Variants in SCAI observed in about 807,000 individuals in gnomAD.
SCAI encodes the protein protein SCAI.
In SCAI, 24 loss-of-function variants were observed where a neutral mutation model predicts 92.2. The observed-to-expected ratio is 0.26, with a 90% CI of 0.19 to 0.37. SCAI has a LOEUF of 0.37. Ranked by LOEUF, SCAI falls within the 10% of genes least tolerant of loss-of-function variation. SCAI has a pLI of 1.00. For synonymous variants in SCAI, 261 were observed against 258.6 expected (o/e 1.01, Z -0.09); for missense variants, 450 against 736.2 (o/e 0.61, Z 4.50).
intron 2 of SCAI, among the ~76,000 whole-genome samples, chr9:125,064,552 A>G (rs999910425): frequency 6.6e-6 from 1 of 152,158 alleles, no homozygotes; most frequent in Admixed American, 6.6e-5. Context: ...AAATATTACT[A>G]AAAAAATTCT....
chr9:125,018,536 A>G (rs947716075), intron 9 of SCAI, among the ~76,000 whole-genome samples: 2 of 152,218 alleles, frequency 1.3e-5, no homozygotes, highest in African/African-American at 4.8e-5. Flanking sequence ...ACATTCTAAC[A>G]TATATGAAAT....
At chr9:125,080,940 C>A (rs1834202014) in intron 2 of SCAI, among the ~76,000 whole-genome samples, 1 of 152,200 alleles carries the variant, frequency 6.6e-6, no homozygotes, top group Non-Finnish European at 1.5e-5. Context: ...GTGAATAAGT[C>A]TCATGAGACC....
chr9:124,960,994 A>G (rs1831424283), intron 17 of SCAI, among the ~76,000 whole-genome samples: 1 of 151,982 alleles, frequency 6.6e-6, no homozygotes, highest in Non-Finnish European at 1.5e-5. Context: ...GGTGCACCGT[A>G]CTCAGGTGGT....
At chr9:125,064,061 A>G (rs533797411) in intron 2 of SCAI, among the ~76,000 whole-genome samples, 1 of 152,136 alleles carries the variant, frequency 6.6e-6, no homozygotes, top group African/African-American at 2.4e-5. Context: ...CCAATTCAAT[A>G]TATTTCTAAA....
chr9:125,073,092 A>ATTTTTTTT (rs764858681), intron 2 of SCAI, among the ~76,000 whole-genome samples: 2,118 of 72,508 alleles, frequency 0.029, 266 homozygotes, highest in East Asian at 0.043. Flanking sequence ...TCTATTTTTA[A>ATTTTTTTT]TTTTTTTTTT....
intron 3 of SCAI, among the ~76,000 whole-genome samples, chr9:125,052,647 A>G (rs986554469): frequency 6.6e-6 from 1 of 152,140 alleles, no homozygotes; most frequent in Non-Finnish European, 1.5e-5. Context: ...AAAGAAAGTA[A>G]AAGACAATCC....
chr9:124,960,650 C>T (rs1831418814), intron 17 of SCAI, among the ~76,000 whole-genome samples: 2 of 152,090 alleles, frequency 1.3e-5, no homozygotes, highest in South Asian at 4.1e-4. Flanking sequence ...AGAGTGACAG[C>T]CTCTGGGGTA....
At chr9:125,018,117 C>T (rs1832800092) in intron 9 of SCAI, among the ~76,000 whole-genome samples, 1 of 151,968 alleles carries the variant, frequency 6.6e-6, no homozygotes, top group Non-Finnish European at 1.5e-5. Flanking sequence ...ATTTTTGAGA[C>T]AGAGTCTCGC....
chr9:125,137,306 G>A (rs192675508), intron 2 of SCAI, among the ~76,000 whole-genome samples: 3 of 152,194 alleles, frequency 2.0e-5, no homozygotes, highest in Non-Finnish European at 2.9e-5. Flanking sequence ...TCATGATTCT[G>A]GACTGAGAAA....
intron 9 of SCAI, 137 bp downstream of exon 9, chr9:125,018,662 T>A (rs1197773508): frequency 1.5e-6 from 1 of 687,370 alleles, no homozygotes; most frequent in African/African-American, 1.8e-5. Flanking sequence ...ATATTCCATA[T>A]ATGCACACAG....
At chr9:124,962,429 G>C (rs1831459024) in intron 17 of SCAI, among the ~76,000 whole-genome samples, 1 of 152,080 alleles carries the variant, frequency 6.6e-6, no homozygotes, top group East Asian at 1.9e-4. Context: ...CCAAAGTGCT[G>C]GGATTACAGG....
At chr9:125,127,471 G>C (rs7022708) in intron 2 of SCAI, among the ~76,000 whole-genome samples, 65,248 of 149,818 alleles carry the variant, frequency 0.44, 14,544 homozygotes, top group East Asian at 0.53. Flanking sequence ...CTCAAACTAC[G>C]CTCTCACCTC....
intron 2 of SCAI, among the ~76,000 whole-genome samples, chr9:125,092,809 T>G (rs1379464103): frequency 6.6e-6 from 1 of 152,234 alleles, no homozygotes; most frequent in Non-Finnish European, 1.5e-5. Flanking sequence ...GCTGTTTCTC[T>G]ACTCTCCTTC....
intron 9 of SCAI, among the ~76,000 whole-genome samples, chr9:125,018,008 C>CA (rs545151394): frequency 4.4e-4 from 66 of 148,904 alleles, no homozygotes; most frequent in South Asian, 3.0e-3. Context: ...GACTCTGTCT[C>CA]AAAAAAAAAC....
chr9:125,138,213 G>A (rs552791412), intron 2 of SCAI, among the ~76,000 whole-genome samples: 23 of 151,038 alleles, frequency 1.5e-4, no homozygotes, highest in Non-Finnish European at 2.9e-4. Flanking sequence ...ACTATCCTAG[G>A]CACCTTACAA....
intron 2 of SCAI, among the ~76,000 whole-genome samples, chr9:125,066,540 C>CT (rs1833874624): frequency 6.6e-6 from 1 of 151,846 alleles, no homozygotes; most frequent in Non-Finnish European, 1.5e-5. Flanking sequence ...ACTGCAAACT[C>CT]TGACTCCCGG....
chr9:125,014,203 T>G (rs1371811879), intron 9 of SCAI, among the ~76,000 whole-genome samples: 2 of 152,048 alleles, frequency 1.3e-5, no homozygotes, highest in African/African-American at 4.8e-5. Context: ...GAGAAGGAAA[T>G]AAAGGGTATT....
At chr9:124,970,412 T>G (rs2131587133) in intron 17 of SCAI, among the ~76,000 whole-genome samples, 1 of 151,290 alleles carries the variant, frequency 6.6e-6, no homozygotes, top group South Asian at 2.1e-4. Flanking sequence ...CAAAGAAAAA[T>G]GAATGATTAA....
chr9:125,041,946 AT>A (rs1588171774), intron 3 of SCAI, among the ~76,000 whole-genome samples: 1 of 152,172 alleles, frequency 6.6e-6, no homozygotes, highest in East Asian at 1.9e-4. Flanking sequence ...TATGATCAGC[AT>A]CTAAAATTAA....
Sources: gnomAD v4.1 joint callset for allele counts (sites outside exome capture counted in the v4.1 genomes callset) on GRCh38, gnomAD v4.1.1 for gene constraint, MANE v1.5 for transcripts, NCBI Gene and HGNC (gene_info 2026-07-23, HGNC 2026-07-21) for gene names.